The following SLC44A5 variants were observed in gnomAD, a reference collection of about 807,000 sequenced individuals.
SLC44A5 encodes choline transporter-like protein 5.
SLC44A5 carries 57 observed loss-of-function variants against 101.8 expected under a neutral mutation model. The ratio of observed to expected loss-of-function variants is 0.56; its 90% CI spans 0.45 to 0.70. The LOEUF is 0.70. Among genes scored for constraint, SLC44A5 ranks in the 30% least tolerant of loss-of-function variants. The probability of loss-of-function intolerance (pLI) is 0.00; values close to 1 mark genes in which losing one functional copy is unlikely to be tolerated. For missense variants in SLC44A5, 737 were observed against 853.1 expected (o/e 0.86, Z 1.70); for synonymous variants, 281 against 290.9 (o/e 0.97, Z 0.35).
At chr1:75,593,284 G>A (rs969237309) in intron 1 of SLC44A5, among the ~76,000 whole-genome samples, 1 of 152,044 alleles carries the variant, frequency 6.6e-6, no homozygotes, top group African/African-American at 2.4e-5. Context: ...ACTAAAATGA[G>A]ATATCATCTC....
chr1:75,418,193 A>C (rs927072597), intron 2 of SLC44A5, among the ~76,000 whole-genome samples: 18 of 152,240 alleles, frequency 1.2e-4, no homozygotes, highest in Non-Finnish European at 1.8e-4. Flanking sequence ...GAATCCAAGC[A>C]ACAATGCAGT....
intron 2 of SLC44A5, among the ~76,000 whole-genome samples, chr1:75,430,012 C>T (rs1228930783): frequency 2.6e-5 from 4 of 152,104 alleles, no homozygotes; most frequent in South Asian, 2.1e-4. Context: ...CTAATATAAA[C>T]GTACCCATAG....
the SLC44A5 span, among the ~76,000 whole-genome samples, chr1:75,697,371 G>A: frequency 1.3e-5 from 2 of 152,190 alleles, no homozygotes; most frequent in Non-Finnish European, 2.9e-5. Flanking sequence ...AAGTTCATAG[G>A]ATGTAAGGCT....
the SLC44A5 span, among the ~76,000 whole-genome samples, chr1:75,672,746 T>C: frequency 9.2e-5 from 14 of 152,254 alleles, no homozygotes; most frequent in East Asian, 2.7e-3. Flanking sequence ...CTTTGTCTTG[T>C]AACTTGATAC....
At chr1:75,484,084 AGCCATATCATTCTGTCCCTG>A (rs997904651) in intron 2 of SLC44A5, among the ~76,000 whole-genome samples, 2 of 152,160 alleles carry the variant, frequency 1.3e-5, no homozygotes, top group African/African-American at 4.8e-5. Flanking sequence ...CACAGAGCCA[AGCCATATCATTCTGTCCCTG>A]GCCCCTCCAA....
intron 2 of SLC44A5, among the ~76,000 whole-genome samples, chr1:75,435,749 C>T (rs970464835): frequency 5.9e-5 from 9 of 152,146 alleles, no homozygotes; most frequent in African/African-American, 2.2e-4. Context: ...TACTGCTTAC[C>T]TCATAAAAAA....
At chr1:75,417,624 G>A (rs1016497773) in intron 2 of SLC44A5, among the ~76,000 whole-genome samples, 3 of 152,230 alleles carry the variant, frequency 2.0e-5, no homozygotes, top group Non-Finnish European at 4.4e-5. Flanking sequence ...ACATAGGTGA[G>A]ATCTCCAGAT....
At chr1:75,502,151 A>G (rs974697118) in intron 2 of SLC44A5, among the ~76,000 whole-genome samples, 2 of 152,190 alleles carry the variant, frequency 1.3e-5, no homozygotes, top group Non-Finnish European at 2.9e-5. Context: ...ATTTTGATGC[A>G]CCAAGTAAAT....
chr1:75,385,590 C>T (rs10782759), intron 3 of SLC44A5, among the ~76,000 whole-genome samples: 74,519 of 151,888 alleles, frequency 0.49, 19,761 homozygotes, highest in East Asian at 0.94. Context: ...AAAAAGAATC[C>T]AGGACCAGAT....
chr1:75,335,517 G>A (rs1657373968), intron 4 of SLC44A5, among the ~76,000 whole-genome samples: 1 of 152,138 alleles, frequency 6.6e-6, no homozygotes, highest in Non-Finnish European at 1.5e-5. Context: ...ATCCATCTCT[G>A]CTAGCCTGTG....
At chr1:75,691,632 A>G in the SLC44A5 span, among the ~76,000 whole-genome samples, 3 of 152,166 alleles carry the variant, frequency 2.0e-5, no homozygotes, top group African/African-American at 7.2e-5. Context: ...TGGTTGGGGC[A>G]TGGGTGGCTT....
At chr1:75,507,591 T>G (rs749473650) in intron 2 of SLC44A5, among the ~76,000 whole-genome samples, 2 of 152,012 alleles carry the variant, frequency 1.3e-5, no homozygotes, top group Non-Finnish European at 2.9e-5. Flanking sequence ...AAGTCCCTCC[T>G]CCTCGATTTT....
At chr1:75,218,059 G>A (rs1646999641) in intron 17 of SLC44A5, 99 bp from the exon 18 acceptor site, 1 of 783,512 alleles carries the variant, frequency 1.3e-6, no homozygotes, top group South Asian at 1.7e-5. Flanking sequence ...TCTGCAGAAG[G>A]ATTAACAGCA....
intron 3 of SLC44A5, among the ~76,000 whole-genome samples, chr1:75,349,824 A>G (rs1013458205): frequency 1.3e-5 from 2 of 152,212 alleles, no homozygotes; most frequent in African/African-American, 4.8e-5. Context: ...AAAAGGGTAA[A>G]ATATGAATGC....
intron 3 of SLC44A5, among the ~76,000 whole-genome samples, chr1:75,394,279 A>G (rs1355368044): frequency 6.6e-6 from 1 of 152,180 alleles, no homozygotes; most frequent in African/African-American, 2.4e-5. Flanking sequence ...AGCAAGATAC[A>G]AGTCTGTGGA....
At chr1:75,650,332 A>G in the SLC44A5 span, among the ~76,000 whole-genome samples, 1 of 152,208 alleles carries the variant, frequency 6.6e-6, no homozygotes, top group Non-Finnish European at 1.5e-5. Flanking sequence ...TACAAATTTT[A>G]TAAGTAACTT....
intron 4 of SLC44A5, among the ~76,000 whole-genome samples, chr1:75,309,604 T>C (rs1288184025): frequency 2.0e-5 from 3 of 152,224 alleles, no homozygotes; most frequent in Non-Finnish European, 4.4e-5. Flanking sequence ...AGTATGCTAT[T>C]GGTAAACTTT....
chr1:75,360,782 T>G (rs183054608), intron 3 of SLC44A5, among the ~76,000 whole-genome samples: 188 of 152,308 alleles, frequency 1.2e-3, no homozygotes, highest in African/African-American at 4.3e-3. Flanking sequence ...CAAGACTGTT[T>G]TGGCTCTTCA....
At chr1:75,452,516 C>T (rs1036676705) in intron 2 of SLC44A5, among the ~76,000 whole-genome samples, 1 of 152,128 alleles carries the variant, frequency 6.6e-6, no homozygotes, top group Non-Finnish European at 1.5e-5. Context: ...AACCAGCTAA[C>T]AACTTCATAA....
Sources: allele counts gnomAD v4.1 joint callset (sites outside exome capture counted in the v4.1 genomes callset), GRCh38; gene constraint gnomAD v4.1.1; transcripts MANE v1.5; gene names NCBI Gene and HGNC (gene_info 2026-07-23, HGNC 2026-07-21).